Variants in PRKG1 observed in about 807,000 individuals in gnomAD.
PRKG1 encodes the protein protein kinase cGMP-dependent 1, also known as cGMP-dependent protein kinase 1.
PRKG1 carries 35 observed loss-of-function variants against 88.1 expected under a neutral mutation model. The observed-to-expected ratio is 0.40, with a 90% confidence interval of 0.30 to 0.53. The LOEUF (loss-of-function observed/expected upper bound fraction) is 0.53. PRKG1 is among the 20% of genes least tolerant of loss of function. The pLI is 0.59. For missense variants in PRKG1, 540 were observed against 839.8 expected (o/e 0.64, Z 4.41); for synonymous variants, 303 against 292.5 (o/e 1.04, Z -0.37).
At chr10:51,652,957 T>C (rs1042519341) in intron 3 of PRKG1, among the ~76,000 whole-genome samples, 4 of 152,018 alleles carry the variant, frequency 2.6e-5, no homozygotes, top group African/African-American at 9.7e-5. Context: ...ATAAGTGAAA[T>C]CATGTGGTAT....
chr10:51,812,337 C>T (rs763905541), intron 4 of PRKG1, among the ~76,000 whole-genome samples: 13 of 152,136 alleles, frequency 8.5e-5, no homozygotes, highest in East Asian at 3.9e-4. Flanking sequence ...CAGGTGAATA[C>T]GACAAACGTG....
intron 4 of PRKG1, among the ~76,000 whole-genome samples, chr10:51,888,736 C>G (rs4472881): frequency 0.42 from 63,446 of 152,020 alleles, 13,581 homozygotes; most frequent in East Asian, 0.62. Flanking sequence ...AGATACAGAA[C>G]AGTGAAGTTA....
intron 3 of PRKG1, among the ~76,000 whole-genome samples, chr10:51,786,450 T>G (rs1373354748): frequency 1.3e-5 from 2 of 152,144 alleles, no homozygotes; most frequent in Non-Finnish European, 2.9e-5. Flanking sequence ...TTGACCAGCC[T>G]TCTTTTCTTC....
At chr10:51,174,358 A>G (rs1026007774) in intron 2 of PRKG1, among the ~76,000 whole-genome samples, 3 of 151,988 alleles carry the variant, frequency 2.0e-5, no homozygotes, top group African/African-American at 7.2e-5. Context: ...TAAACATTTT[A>G]TAAATAAATA....
chr10:51,595,115 G>A (rs973433141), intron 3 of PRKG1, among the ~76,000 whole-genome samples: 2 of 152,148 alleles, frequency 1.3e-5, no homozygotes, highest in Non-Finnish European at 2.9e-5. Flanking sequence ...GGAAAGCCAA[G>A]GCAGAAAGAT....
At chr10:51,338,906 A>G (rs977203997) in intron 2 of PRKG1, among the ~76,000 whole-genome samples, 1 of 152,146 alleles carries the variant, frequency 6.6e-6, no homozygotes, top group Admixed American at 6.5e-5. Flanking sequence ...TGTCCTGGAG[A>G]ATAATTGGAA....
intron 9 of PRKG1, among the ~76,000 whole-genome samples, chr10:52,193,575 A>AC (rs5784910): frequency 0.19 from 26,736 of 140,732 alleles, 2,980 homozygotes; most frequent in Non-Finnish European, 0.25. Flanking sequence ...AAAAAAAAAA[A>AC]CAAAAAAAAA....
intron 2 of PRKG1, among the ~76,000 whole-genome samples, chr10:51,263,771 G>C (rs915246251): frequency 6.6e-6 from 1 of 152,204 alleles, no homozygotes; most frequent in Non-Finnish European, 1.5e-5. Flanking sequence ...ATAAATGCTA[G>C]TGCTAGTTGA....
At chr10:50,998,675 G>A (rs554638347) in intron 1 of PRKG1, among the ~76,000 whole-genome samples, 1 of 152,302 alleles carries the variant, frequency 6.6e-6, no homozygotes, top group East Asian at 1.9e-4. Flanking sequence ...TTGAACCTGG[G>A]AGGCAGAGGT....
intron 2 of PRKG1, among the ~76,000 whole-genome samples, chr10:51,449,806 A>AC (rs11408429): frequency 0.55 from 82,876 of 150,134 alleles, 24,403 homozygotes; most frequent in African/African-American, 0.73. Context: ...GATAATCTTT[A>AC]CCTGTCTGGA....
At chr10:51,026,634 A>C (rs1030978333) in intron 1 of PRKG1, among the ~76,000 whole-genome samples, 7 of 152,118 alleles carry the variant, frequency 4.6e-5, no homozygotes, top group African/African-American at 1.7e-4. Context: ...CTTAAATTTT[A>C]TCTCTTTTCC....
intron 9 of PRKG1, among the ~76,000 whole-genome samples, chr10:52,223,721 A>G (rs1347550450): frequency 3.3e-5 from 5 of 152,128 alleles, no homozygotes; most frequent in Admixed American, 3.3e-4. Context: ...TAAAATATCA[A>G]AACTGAACTA....
At chr10:51,129,331 G>A (rs1845507477) in intron 1 of PRKG1, among the ~76,000 whole-genome samples, 1 of 152,066 alleles carries the variant, frequency 6.6e-6, no homozygotes, top group African/African-American at 2.4e-5. Flanking sequence ...TGTAATCCCA[G>A]CTACTCGGGA....
At chr10:51,201,184 G>T (rs1021546169) in intron 2 of PRKG1, among the ~76,000 whole-genome samples, 4 of 152,194 alleles carry the variant, frequency 2.6e-5, no homozygotes, top group Non-Finnish European at 5.9e-5. Flanking sequence ...TTTTAGGACA[G>T]GCATGGTGGC....
chr10:51,070,658 C>G (rs568995866), upstream of PRKG1, among the ~76,000 whole-genome samples: 1 of 152,110 alleles, frequency 6.6e-6, no homozygotes, highest in African/African-American at 2.4e-5. Context: ...TTTTGAATAG[C>G]CAGTATTATA....
At chr10:51,845,538 A>T (rs895181975) in intron 4 of PRKG1, among the ~76,000 whole-genome samples, 4 of 152,186 alleles carry the variant, frequency 2.6e-5, no homozygotes, top group Non-Finnish European at 4.4e-5. Context: ...CATTAAATTG[A>T]TAGCCTTGTA....
At chr10:52,166,799 A>ATATGTG (rs1564498390) in intron 9 of PRKG1, among the ~76,000 whole-genome samples, 1 of 70,800 alleles carries the variant, frequency 1.4e-5, no homozygotes, top group African/African-American at 1.1e-4. Flanking sequence ...ATATATATAC[A>ATATGTG]TATATATATG....
intron 3 of PRKG1, among the ~76,000 whole-genome samples, chr10:51,619,718 G>A (rs757182411): frequency 3.9e-5 from 6 of 152,224 alleles, no homozygotes; most frequent in Non-Finnish European, 7.4e-5. Context: ...CTCCAATCAC[G>A]TTTTAAAAGA....
At chr10:51,596,021 G>A (rs1838438408) in intron 3 of PRKG1, among the ~76,000 whole-genome samples, 1 of 151,848 alleles carries the variant, frequency 6.6e-6, no homozygotes, top group Non-Finnish European at 1.5e-5. Context: ...AGTAGAGATG[G>A]GGTTTCACTA....
Sources: gnomAD v4.1 joint callset for allele counts (sites outside exome capture counted in the v4.1 genomes callset) on GRCh38, gnomAD v4.1.1 for gene constraint, MANE v1.5 for transcripts, NCBI Gene and HGNC (gene_info 2026-07-23, HGNC 2026-07-21) for gene names.